Variants in MYPN observed in about 807,000 individuals in gnomAD.
The protein encoded by MYPN is myopalladin, also known as sarcomeric protein myopalladin, 145 kDa (MYOP).
Under a neutral mutation model 129.4 loss-of-function variants are expected in MYPN, and 63 were observed. The observed-to-expected ratio is 0.49, with a 90% CI of 0.40 to 0.60. The LOEUF (loss-of-function observed/expected upper bound fraction) is 0.60, where lower values mean the gene tolerates loss of function less well. Among genes scored for constraint, MYPN ranks in the 20% least tolerant of loss-of-function variants. The probability of loss-of-function intolerance (pLI) is 0.00; values close to 1 mark genes in which losing one functional copy is unlikely to be tolerated. For synonymous variants in MYPN, 629 were observed against 600.9 expected (o/e 1.05, Z -0.68); for missense variants, 1,596 against 1,635.4 (o/e 0.98, Z 0.42).
chr10:68,194,026 A>G (rs1190965682), intron 13 of MYPN, among the ~76,000 whole-genome samples: 1 of 152,076 alleles, frequency 6.6e-6, no homozygotes, highest in Non-Finnish European at 1.5e-5. Context: ...GGTTTTCATT[A>G]TTTTGCTTCT....
rs7916821 is a variant in MYPN at position 68,174,212 on chromosome 10, G to A, written c.2120G>A (p.Ser707Asn). The change falls in exon 11 of 20, where the codon AGT (serine) becomes AAT (asparagine). Residue 707 changes from serine to asparagine, a missense_variant. Physicochemically the swap from Ser to Asn is conservative, Grantham distance 46. Coordinates refer to ENST00000358913, the MANE Select transcript of MYPN (RefSeq NM_032578.4). The part of the protein sequence containing the change: ...SNAPPAVTTS[S>N]KQVKAPSSQT... ...GCTCCCCCAGCGGTGACAACATCCA[G>A]TAAGCAGGTGAAGGCTCCTTCATCA... The A allele has an allele frequency of 0.46, 745,980 of 1,613,710 alleles. 177,811 individuals carry two copies. Among genetic ancestry groups the A allele is most frequent in the Non-Finnish European group, 0.49 (582,676 of 1,179,844 alleles).
At chr10:68,163,966 A>C (rs1328121524) in intron 8 of MYPN, among the ~76,000 whole-genome samples, 2 of 152,192 alleles carry the variant, frequency 1.3e-5, no homozygotes, top group Non-Finnish European at 2.9e-5. Context: ...GGCTTAGACC[A>C]GTCATGATTT....
intron 10 of MYPN, among the ~76,000 whole-genome samples, chr10:68,169,654 CT>C (rs2043114951): frequency 6.6e-6 from 1 of 152,138 alleles, no homozygotes; most frequent in Admixed American, 6.5e-5. Flanking sequence ...TCCAGGTCCC[CT>C]CATGGTCCAA....
At chr10:68,106,723 C>T (rs758286139), upstream of MYPN, 5 of 717,032 alleles carry the variant, frequency 7.0e-6, no homozygotes, top group South Asian at 7.4e-5. Context: ...GGAAATTCTC[C>T]CATGCTTACC....
rs756823228 is a variant in MYPN at position 68,121,733 on chromosome 10, C to A, written c.295C>A (p.Arg99=). Reference sequence around the variant, plus strand: ...GGCAGATGAAACTCAAGCTAGAAAACGACTTTCTCCTGATCAGATGAAACA... The same window carrying A: ...GGCAGATGAAACTCAAGCTAGAAAAAGACTTTCTCCTGATCAGATGAAACA... ...EKADETQARK[R]LSPDQMKHSP... is the part of the protein sequence containing the mutation. Residue 99 remains arginine (R), a synonymous_variant, in exon 2 of 20, where the codon CGA becomes AGA. Transcript: ENST00000358913. 6.2e-7 allele frequency: 1 copy of A among 1,614,180 alleles called. No homozygotes were observed. Among genetic ancestry groups the A allele is most frequent in the Admixed American group, 1.7e-5 (1 of 60,024 alleles).
chr10:68,145,316 G>A (rs1464526749), intron 3 of MYPN, among the ~76,000 whole-genome samples, 159 bp from the exon 4 acceptor site: 7 of 152,004 alleles, frequency 4.6e-5, no homozygotes, highest in African/African-American at 7.3e-5. Context: ...GAGCCACCAC[G>A]CCCGGCGTTA....
At chr10:68,210,167 T>C (rs2043885120) in intron 19 of MYPN, 119 bp from the exon 20 acceptor site, 2 of 1,139,392 alleles carry the variant, frequency 1.8e-6, no homozygotes, top group Admixed American at 1.9e-5. Context: ...CCAGGTATAG[T>C]TATATGCTTT....
rs2042122476 is a variant in MYPN, at chr10:68,114,327, C to T, written c.-2+4604C>T. 4.6e-5 allele frequency: 7 copies of T among 151,136 alleles called. No individual in the cohort carries two copies. In the South Asian group the frequency reaches 1.5e-3, roughly 32 times the overall value. The allele number at this position is 151,136 out of a possible 1,614,324, so 9.4% of individuals were successfully genotyped here. Reference sequence around the variant, plus strand: ...AGCCTCAAACTTTTGTTTTTATGAACCTGACTCTCTTTTTTTTTTCTTTTT... The same window carrying T: ...AGCCTCAAACTTTTGTTTTTATGAATCTGACTCTCTTTTTTTTTTCTTTTT... On this transcript the variant is annotated intron_variant, in intron 1 of 19. Transcript: ENST00000358913.
At chr10:68,091,953 G>C (rs1449273483) in intron 1 of MYPN, among the ~76,000 whole-genome samples, 1 of 151,738 alleles carries the variant, frequency 6.6e-6, no homozygotes, top group African/African-American at 2.4e-5. Context: ...TCTTTGGCTA[G>C]TACTTGTAAT....
At chr10:68,206,667 G>C in intron 18 of MYPN, 103 bp from the exon 19 acceptor site, 1 of 1,499,392 alleles carries the variant, frequency 6.7e-7, no homozygotes, top group Non-Finnish European at 9.3e-7. Flanking sequence ...TTGTCTTGAT[G>C]TCTGCCTTAA....
chr10:68,139,153 C>T (rs189251841), intron 2 of MYPN, among the ~76,000 whole-genome samples: 348 of 152,258 alleles, frequency 2.3e-3, no homozygotes, highest in African/African-American at 6.7e-3. Flanking sequence ...CATTCACTAA[C>T]GGCTCAGAAG....
chr10:68,112,323 C>A (rs1246392100), intron 1 of MYPN, among the ~76,000 whole-genome samples: 1 of 152,160 alleles, frequency 6.6e-6, no homozygotes, highest in South Asian at 2.1e-4. Flanking sequence ...CTTTCACTAG[C>A]GCTTCCCTAC....
intron 8 of MYPN, 121 bp from the exon 9 acceptor site, chr10:68,165,581 A>G (rs529690522): frequency 8.6e-6 from 7 of 817,026 alleles, no homozygotes; most frequent in East Asian, 7.6e-5. Context: ...AATTGTTTTC[A>G]AAGAATTAAT....
At chr10:68,203,312 G>A (rs1254521778) in intron 18 of MYPN, among the ~76,000 whole-genome samples, 1 of 152,144 alleles carries the variant, frequency 6.6e-6, no homozygotes, top group South Asian at 2.1e-4. Flanking sequence ...ATTCTGGCTG[G>A]GCACAGTGGC....
chr10:68,143,090 G>A lies in MYPN; in HGVS notation c.1053G>A (p.Ser351=), dbSNP rs371306075. ...CFASNIYGTD[S]TSAEIYIEGV... is the part of the protein sequence containing the mutation. ...CTTCTAACATCTATGGGACAGATTC[G>A]ACTTCTGCTGAGATTTATATAGAAG... The change falls in exon 3 of 20, where the codon TCG becomes TCA. Residue 351 remains serine, a synonymous_variant. Transcript: ENST00000358913. 1.1e-5 allele frequency: 17 copies of A among 1,613,920 alleles called. No individual in the cohort carries two copies. The highest frequency in any genetic ancestry group is 5.0e-5 in the Admixed American group (3 of 59,998).
chr10:68,154,788 G>A (rs921276165), intron 6 of MYPN, among the ~76,000 whole-genome samples: 5 of 152,240 alleles, frequency 3.3e-5, no homozygotes, highest in African/African-American at 1.2e-4. Flanking sequence ...TGTGGTTATA[G>A]ATCTACTAAG....
chr10:68,200,538 A>G (rs531694551), intron 17 of MYPN, among the ~76,000 whole-genome samples: 1 of 152,180 alleles, frequency 6.6e-6, no homozygotes, highest in East Asian at 1.9e-4. Context: ...CGGGTGGATC[A>G]CCTGAGGTTA....
At position 68,122,240 on chromosome 10, in the gene MYPN, C is replaced by T. The variant is rs201454261; in HGVS notation, c.802C>T (p.Pro268Ser). ...SLYYEEPLGQ[P>S]PRFTQKLRSR... is the part of the protein sequence containing the mutation. ...GTACTATGAAGAACCTCTGGGGCAA[C>T]CTCCCCGGTTCACTCAAAAGTTACG... The change falls in exon 2 of 20, where the codon CCT (proline) becomes TCT (serine). Residue 268 changes from proline (P) to serine (S), a missense_variant. Pro to Ser is a moderately conservative substitution (Grantham distance 74). Transcript: ENST00000358913. The T allele has an allele frequency of 2.1e-4, 332 of 1,612,736 alleles. 2 individuals are homozygous for T. The highest frequency in any genetic ancestry group is 4.1e-4 in the South Asian group (37 of 90,882).
intron 12 of MYPN, among the ~76,000 whole-genome samples, chr10:68,186,434 C>T (rs1376640783): frequency 6.6e-6 from 1 of 152,314 alleles, no homozygotes; most frequent in East Asian, 1.9e-4. Flanking sequence ...CTCAGTTACT[C>T]TCCCGCTGAC....
Sources: gnomAD v4.1 joint callset for allele counts (sites outside exome capture counted in the v4.1 genomes callset) on GRCh38, gnomAD v4.1.1 for gene constraint, MANE v1.5 for transcripts, NCBI Gene and HGNC (gene_info 2026-07-23, HGNC 2026-07-21) for gene names.